Variants in OR3A2 observed in about 807,000 individuals in gnomAD.
OR3A2 encodes olfactory receptor 3A2.
For missense variants in OR3A2, 318 were observed against 392.8 expected (o/e 0.81, Z 1.61); for synonymous variants, 126 against 159.3 (o/e 0.79, Z 1.57).
chr17:3,364,581 A>C (rs35814038), intron 2 of OR3A2, among the ~76,000 whole-genome samples: 11,332 of 152,268 alleles, frequency 0.074, 1,000 homozygotes, highest in East Asian at 0.48. Flanking sequence ...TCATGTTAGA[A>C]TGGCTATTAT....
intron 2 of OR3A2, among the ~76,000 whole-genome samples, chr17:3,382,129 A>T (rs1597367289): frequency 1.3e-5 from 2 of 152,190 alleles, no homozygotes; most frequent in Admixed American, 1.3e-4. Context: ...TAGGGTAGGA[A>T]GAGTATTTCA....
At chr17:3,306,906 TG>T (rs1215523784) in intron 3 of OR3A2, among the ~76,000 whole-genome samples, 7 of 152,120 alleles carry the variant, frequency 4.6e-5, no homozygotes, top group Non-Finnish European at 7.4e-5. Flanking sequence ...CATAAGTGAG[TG>T]TCACTCTTAT....
chr17:3,341,782 C>G (rs230441), intron 2 of OR3A2, among the ~76,000 whole-genome samples: 61,455 of 151,988 alleles, frequency 0.4, 12,770 homozygotes, highest in Admixed American at 0.52. Flanking sequence ...GTGGTGTTCT[C>G]TGTATTTCCT....
downstream of OR3A2, among the ~76,000 whole-genome samples, chr17:3,276,396 CACA>C (rs1192251941): frequency 2.0e-5 from 3 of 152,274 alleles, no homozygotes; most frequent in Non-Finnish European, 4.4e-5. Context: ...GAGGAAAAAA[CACA>C]ACAATTGTCA....
At chr17:3,315,018 C>A (rs1467961320) in intron 3 of OR3A2, among the ~76,000 whole-genome samples, 1 of 152,182 alleles carries the variant, frequency 6.6e-6, no homozygotes, top group Non-Finnish European at 1.5e-5. Flanking sequence ...GACATTATTT[C>A]ATTCCTTTTT....
chr17:3,381,506 G>A (rs546961315), intron 2 of OR3A2, among the ~76,000 whole-genome samples: 1 of 152,118 alleles, frequency 6.6e-6, no homozygotes, highest in African/African-American at 2.4e-5. Flanking sequence ...GTTTCAACAG[G>A]AGCTGACACA....
At chr17:3,384,353 C>A (rs562950340) in intron 1 of OR3A2, among the ~76,000 whole-genome samples, 2 of 152,306 alleles carry the variant, frequency 1.3e-5, no homozygotes, top group South Asian at 4.1e-4. Flanking sequence ...GCACTGAGGA[C>A]AGAGCAAGGA....
chr17:3,287,064 T>G (rs1372711320), upstream of OR3A2, among the ~76,000 whole-genome samples: 1 of 152,248 alleles, frequency 6.6e-6, no homozygotes, highest in Non-Finnish European at 1.5e-5. Context: ...CATTTAAGTC[T>G]TTAATCCATC....
chr17:3,374,700 T>A (rs2049664544), intron 2 of OR3A2, among the ~76,000 whole-genome samples: 1 of 152,170 alleles, frequency 6.6e-6, no homozygotes, highest in Non-Finnish European at 1.5e-5. Flanking sequence ...CCTTCAAGAT[T>A]TTATTTATTT....
intron 2 of OR3A2, among the ~76,000 whole-genome samples, chr17:3,372,554 G>C (rs1466238234): frequency 2.6e-5 from 4 of 152,208 alleles, no homozygotes; most frequent in African/African-American, 2.4e-5. Context: ...GAGTGAACGA[G>C]ACTCCGTCTG....
At chr17:3,342,737 A>G (rs909964652) in intron 2 of OR3A2, among the ~76,000 whole-genome samples, 4 of 152,236 alleles carry the variant, frequency 2.6e-5, no homozygotes, top group Non-Finnish European at 5.9e-5. Flanking sequence ...CCTGGGGGTC[A>G]GGGACCCACT....
rs62091297 is a variant in OR3A2 at position 3,365,192 on chromosome 17, T to C, written c.-179+18612A>G. On this transcript the variant is annotated intron_variant, in intron 2 of 4. Transcript: ENST00000573491. ...AAACAATTCACTCTACAAAAATTCA[T>C]AGTTCCCGACTGTATCTTAGGTATG... is the stretch of plus-strand genomic sequence containing the variant. Among the ~76,000 whole-genome samples, 413 of 152,304 alleles carry C rather than the reference T, an allele frequency of 2.7e-3. 3 individuals carry two copies. Among genetic ancestry groups the C allele is most frequent in the South Asian group, 0.015 (74 of 4,832 alleles).
chr17:3,327,856 C>A (rs2049190590), intron 3 of OR3A2, among the ~76,000 whole-genome samples: 1 of 137,084 alleles, frequency 7.3e-6, no homozygotes, highest in South Asian at 2.4e-4. Flanking sequence ...TGTCAAAGAT[C>A]AGATAGCTGT....
At chr17:3,334,300 C>G (rs1412653364) in intron 3 of OR3A2, among the ~76,000 whole-genome samples, 1 of 152,156 alleles carries the variant, frequency 6.6e-6, no homozygotes, top group African/African-American at 2.4e-5. Flanking sequence ...CATCCCCTGC[C>G]TTCCACCTAC....
Position 3,382,545 on chromosome 17 carries a change from AC to A in OR3A2, c.-179+1258del, listed in dbSNP as rs2049746426. Among the ~76,000 whole-genome samples, 3 of 152,018 alleles carry A rather than the reference AC, an allele frequency of 2.0e-5. No individual in the cohort carries two copies. The South Asian group carries it at 6.2e-4, about 32-fold the overall frequency. On this transcript the variant is annotated intron_variant, in intron 2 of 4. Transcript: ENST00000573491. ...GGCATGCTGCCCTTCAGGTGAGAAA[AC>A]CCAACATTTCTCTGCTATCTTCTTT...
At chr17:3,380,725 A>T (rs1437446466) in intron 2 of OR3A2, among the ~76,000 whole-genome samples, 4 of 152,190 alleles carry the variant, frequency 2.6e-5, no homozygotes, top group Non-Finnish European at 4.4e-5. Context: ...CACACCATCA[A>T]GAGAAGAATC....
chr17:3,295,581 A>T (rs535783079), intron 3 of OR3A2, among the ~76,000 whole-genome samples: 1 of 152,264 alleles, frequency 6.6e-6, no homozygotes, highest in South Asian at 2.1e-4. Flanking sequence ...GAACAAAATT[A>T]GTACCAAACA....
At chr17:3,277,943 G>A (rs764222371) in exon 2 of OR3A2, 3 of 1,556,406 alleles carry the variant, frequency 1.9e-6, no homozygotes, top group African/African-American at 1.4e-5. Context: ...TCCAGAAAAG[G>A]CAGGAAAGGA....
chr17:3,373,781 G>A (rs889634616), intron 2 of OR3A2, among the ~76,000 whole-genome samples: 4 of 152,202 alleles, frequency 2.6e-5, no homozygotes, highest in African/African-American at 9.6e-5. Context: ...GGGCACTTAG[G>A]CCATTTACAT....
Sources: gnomAD v4.1 joint callset for allele counts (sites outside exome capture counted in the v4.1 genomes callset) on GRCh38, gnomAD v4.1.1 for gene constraint, MANE v1.5 for transcripts, NCBI Gene and HGNC (gene_info 2026-07-23, HGNC 2026-07-21) for gene names.